The following CEACAM4 variants were observed in gnomAD, a reference collection of about 807,000 sequenced individuals.
CEACAM4 encodes CEA cell adhesion molecule 4.
In CEACAM4, 30 loss-of-function variants were observed where a neutral mutation model predicts 28.7. That is an observed-to-expected ratio of 1.05 (90% CI 0.78 to 1.42). The LOEUF (loss-of-function observed/expected upper bound fraction) is 1.42, where lower values mean the gene tolerates loss of function less well. Among genes scored for constraint, CEACAM4 ranks in the 40% most tolerant of loss-of-function variants. The pLI, the probability that CEACAM4 is intolerant of heterozygous loss-of-function variation, is 0.00. For synonymous variants in CEACAM4, 143 were observed against 126.5 expected, an observed-to-expected ratio of 1.13 and a Z score of -0.87; for missense variants, 330 against 308.2, an observed-to-expected ratio of 1.07 and a Z score of -0.53.
At chr19:41,626,638 G>T (rs746140487) in intron 1 of CEACAM4, among the ~76,000 whole-genome samples, 29 of 152,168 alleles carry the variant, frequency 1.9e-4, no homozygotes, top group Non-Finnish European at 3.2e-4. Context: ...AAATGTAGTG[G>T]CCAGTGATGA....
In CEACAM4 at chr19:41,627,041, C is replaced by G; in HGVS notation, c.-78G>C. On this transcript the variant is annotated 5_prime_UTR_variant, in exon 1 of 7. Transcript: ENST00000221954. ...CTCTTGTCAGAGCTGCTGTGACTGTCGGCTGTCGGGGCTGCTGACCTTCCT... is the reference window on the plus strand; with the variant it reads ...CTCTTGTCAGAGCTGCTGTGACTGTGGGCTGTCGGGGCTGCTGACCTTCCT... 1 of 1,317,304 alleles carries G rather than the reference C, an allele frequency of 7.6e-7. No individual in the cohort carries two copies. Among genetic ancestry groups the G allele is most frequent in the Middle Eastern group, 2.0e-4 (1 of 5,066 alleles). 81.6% of individuals were successfully genotyped at this position (1,317,304 alleles called of 1,614,324 possible). A position where few individuals can be genotyped will look rare whatever the true frequency, so the allele number is the denominator to read the frequency against.
intron 1 of CEACAM4, among the ~76,000 whole-genome samples, chr19:41,626,549 G>T (rs1262396555): frequency 2.0e-5 from 3 of 152,218 alleles, no homozygotes; most frequent in African/African-American, 4.8e-5. Flanking sequence ...GTCTGAGGTT[G>T]TTGGCTAAGA....
Position 41,625,680 on chromosome 19 carries a change from C to T in CEACAM4, c.345G>A (p.Glu115=), listed in dbSNP as rs959613987. 32 of 1,613,642 alleles carry T rather than the reference C, an allele frequency of 2.0e-5. No homozygotes were observed. In the Middle Eastern group the frequency reaches 6.6e-4, roughly 33 times the overall value. ...TTCGTAGGGTGTAGGATCCTGCGTC[C>T]TCCAGGGTGATGTTTTGGAACAGCA... The part of the protein sequence containing the change: ...GSLLFQNITL[E]DAGSYTLRTI... Residue 115 remains glutamate, a synonymous_variant, in exon 2 of 7, where the codon GAG becomes GAA. Transcript: ENST00000221954.
downstream of CEACAM4, among the ~76,000 whole-genome samples, chr19:41,614,676 C>G (rs1013330744): frequency 6.6e-6 from 1 of 152,200 alleles, no homozygotes; most frequent in Non-Finnish European, 1.5e-5. Flanking sequence ...AAGCAGCTCC[C>G]TCTGCCAGTC....
intron 5 of CEACAM4, 38 bp downstream of exon 5, chr19:41,620,173 A>C: frequency 6.7e-7 from 1 of 1,484,592 alleles, no homozygotes; most frequent in South Asian, 1.3e-5. Flanking sequence ...CACTGTTGGG[A>C]CCCCAGTAGA....
chr19:41,621,603 C>T, intron 3 of CEACAM4, 48 bp downstream of exon 3: 1 of 1,056,094 alleles, frequency 9.5e-7, no homozygotes, highest in Non-Finnish European at 1.4e-6. Flanking sequence ...TCCTCCCTGA[C>T]TGGGGTCAGC....
At chr19:41,624,862 C>T (rs1226581744) in intron 2 of CEACAM4, among the ~76,000 whole-genome samples, 1 of 152,210 alleles carries the variant, frequency 6.6e-6, no homozygotes, top group Non-Finnish European at 1.5e-5. Context: ...TTCACATCAA[C>T]AGCATCTGTT....
chr19:41,626,854 C>T (rs782180817), intron 1 of CEACAM4, 46 bp downstream of exon 1: 1 of 1,565,614 alleles, frequency 6.4e-7, no homozygotes, highest in Admixed American at 1.7e-5. Context: ...CCCAGTCAGT[C>T]TCTGTGCTCC....
Position 41,619,255 on chromosome 19 carries a change from A to C in CEACAM4, c.*75T>G. The C allele has an allele frequency of 8.0e-7, 1 of 1,250,218 alleles. No homozygotes were observed. The highest frequency in any genetic ancestry group is 1.2e-6 in the Non-Finnish European group (1 of 851,722). The allele number at this position is 1,250,218 out of a possible 1,614,324, so 77.4% of individuals were successfully genotyped here. A position where few individuals can be genotyped will look rare whatever the true frequency, so the allele number is the denominator to read the frequency against. Reference sequence around the variant, plus strand: ...GAGCTGGTTCTCTGGCTCAGGCTCCATGTCCTTCCCCGTCCCCAGGGCTGG... The same window carrying C: ...GAGCTGGTTCTCTGGCTCAGGCTCCCTGTCCTTCCCCGTCCCCAGGGCTGG... On this transcript the variant is annotated 3_prime_UTR_variant, in exon 7 of 7. Coordinates refer to ENST00000221954, the MANE Select transcript of CEACAM4 (RefSeq NM_001817.4).
In CEACAM4 at chr19:41,626,938, CG is replaced by C; in HGVS notation, c.25del (p.Arg9ValfsTer11). 1.2e-6 allele frequency: 2 copies of C among 1,606,258 alleles called. No homozygotes were observed. Among genetic ancestry groups the C allele is most frequent in the Non-Finnish European group, 1.7e-6 (2 of 1,176,112 alleles). On this transcript the variant is annotated frameshift_variant, in exon 1 of 7. Transcript: ENST00000221954. LOFTEE classifies it high-confidence loss of function. ...CCCCTGCCAGGGCCTGTGCCCTCCA[CG>C]GGGAGCGGCTGAGGGGGGGCCCATG... Reference protein sequence around the residue: MGPPSAAPRGGHRPWQGLL... With the variant: MGPPSAAPXGGHRPWQGLL...
In CEACAM4 at chr19:41,619,702, G is replaced by A; in HGVS notation, c.637C>T (p.Pro213Ser). The stretch of plus-strand genomic sequence containing the variant: ...ATGGGAGTGGCTGTTCTGGGGCTGG[G>A]TAGAGGGGCCTGGGCAGGGGAGAGA... Reference protein sequence around the residue: ...SHRSTFSAPLPSPRTATPIYE... With the variant: ...SHRSTFSAPLSSPRTATPIYE... Residue 213 changes from proline to serine, a missense_variant, in exon 6 of 7, where the codon CCC becomes TCC. Coordinates refer to ENST00000221954, the MANE Select transcript of CEACAM4 (RefSeq NM_001817.4). 6.3e-7 allele frequency: 1 copy of A among 1,588,986 alleles called. No individual in the cohort carries two copies. The highest frequency in any genetic ancestry group is 8.6e-7 in the Non-Finnish European group (1 of 1,166,240).
chr19:41,626,093 T>C lies in CEACAM4; in HGVS notation c.65-133A>G, dbSNP rs906309543. ...GTGTGTGTGTGTGTGTGTGTGTGTG[T>C]GTGTGTGTGTGTGTGTGTGTGTGTG... On this transcript the variant is annotated intron_variant, in intron 1 of 6. Coordinates refer to ENST00000221954, the MANE Select transcript of CEACAM4 (RefSeq NM_001817.4). 3.6e-5 allele frequency: 22 copies of C among 602,970 alleles called. No homozygotes were observed. In the East Asian group the frequency reaches 6.2e-4, roughly 17 times the overall value. 37.4% of individuals were successfully genotyped at this position (602,970 alleles called of 1,614,324 possible).
chr19:41,623,530 G>A (rs1555802629), intron 2 of CEACAM4, among the ~76,000 whole-genome samples: 1 of 150,746 alleles, frequency 6.6e-6, no homozygotes, highest in Admixed American at 6.7e-5. Context: ...GTTCAGTGAT[G>A]CGGTGGTGAG....
intron 3 of CEACAM4, among the ~76,000 whole-genome samples, chr19:41,621,088 C>A (rs1377968682): frequency 2.0e-5 from 3 of 152,078 alleles, no homozygotes; most frequent in African/African-American, 7.2e-5. Context: ...CCTGGAGATG[C>A]TGAAATGGGG....
chr19:41,620,711 A>AT (rs2071226461), intron 3 of CEACAM4, 84 bp from the exon 4 acceptor site: 1 of 1,176,660 alleles, frequency 8.5e-7, no homozygotes, highest in Admixed American at 2.0e-5. Flanking sequence ...AAGGGACTCC[A>AT]TTTTCAAGGA....
At chr19:41,615,403 G>T (rs199822355), downstream of CEACAM4, among the ~76,000 whole-genome samples, 1 of 152,092 alleles carries the variant, frequency 6.6e-6, no homozygotes, top group South Asian at 2.1e-4. Flanking sequence ...GAAGCCTCAG[G>T]TGTGTGGAGC....
intron 2 of CEACAM4, among the ~76,000 whole-genome samples, chr19:41,625,369 C>T (rs975041272): frequency 4.0e-5 from 6 of 151,862 alleles, no homozygotes; most frequent in African/African-American, 9.7e-5. Flanking sequence ...ACTGACCTCC[C>T]CCTGCTGAGG....
At chr19:41,615,310 G>T (rs982994681), downstream of CEACAM4, among the ~76,000 whole-genome samples, 2 of 152,034 alleles carry the variant, frequency 1.3e-5, no homozygotes, top group East Asian at 1.9e-4. Flanking sequence ...TGTCTGGGAG[G>T]GGGAGCTGGT....
At position 41,627,060 on chromosome 19, in the gene CEACAM4, C is replaced by A; in HGVS notation, c.-97G>T. The A allele has an allele frequency of 1.9e-6, 2 of 1,057,384 alleles. No homozygotes were observed. The highest frequency in any genetic ancestry group is 2.7e-6 in the Non-Finnish European group (2 of 732,856). 65.5% of individuals were successfully genotyped at this position (1,057,384 alleles called of 1,614,324 possible). ...GACTGTCGGCTGTCGGGGCTGCTGA[C>A]CTTCCTCCTTCTGTGCTGAGCCTCC... On this transcript the variant is annotated 5_prime_UTR_variant, in exon 1 of 7. Coordinates refer to ENST00000221954, the MANE Select transcript of CEACAM4 (RefSeq NM_001817.4).
Sources: gnomAD v4.1 joint callset for allele counts (sites outside exome capture counted in the v4.1 genomes callset) on GRCh38, gnomAD v4.1.1 for gene constraint, MANE v1.5 for transcripts, NCBI Gene and HGNC (gene_info 2026-07-23, HGNC 2026-07-21) for gene names.